SNX29: variants seen among roughly 807,000 people sequenced by gnomAD.
SNX29 encodes the protein sorting nexin-29.
In SNX29, 78 loss-of-function variants were observed where a neutral mutation model predicts 102.1. The ratio of observed to expected loss-of-function variants is 0.76; its 90% CI spans 0.64 to 0.92. The LOEUF is 0.92. Ranked by LOEUF, SNX29 falls within the 40% of genes least tolerant of loss-of-function variation. The pLI, the probability that SNX29 is intolerant of heterozygous loss-of-function variation, is 0.00. For synonymous variants in SNX29, 580 were observed against 414.5 expected (o/e 1.40, Z -4.85); for missense variants, 1,280 against 1,061.7 (o/e 1.21, Z -2.86).
intron 18 of SNX29, among the ~76,000 whole-genome samples, chr16:12,476,418 A>G (rs2087634292): frequency 6.8e-5 from 2 of 29,300 alleles, no homozygotes; most frequent in African/African-American, 2.4e-4. Context: ...ATATACATAT[A>G]TATATATATA....
rs764800448 is a variant in SNX29, at chr16:12,524,883, G to C, written c.2318+42G>C. ...CGGACATGGGCCGCCAGCCCTGCCA[G>C]CATTTTTTTCTCGGTCGTTTTGGAA... On this transcript the variant is annotated intron_variant, in intron 20 of 20. Transcript: ENST00000566228. The C allele has an allele frequency of 2.1e-5, 33 of 1,596,628 alleles. No individual in the cohort carries two copies. The South Asian group carries it at 3.0e-4, about 14-fold the overall frequency.
intron 15 of SNX29, among the ~76,000 whole-genome samples, chr16:12,343,339 C>G (rs967974173): frequency 6.6e-6 from 1 of 152,222 alleles, no homozygotes; most frequent in Non-Finnish European, 1.5e-5. Flanking sequence ...CTTCACGGTA[C>G]TAAATAACTT....
At chr16:12,187,670 T>TC (rs199870025) in intron 13 of SNX29, among the ~76,000 whole-genome samples, 1 of 152,054 alleles carries the variant, frequency 6.6e-6, no homozygotes, top group Non-Finnish European at 1.5e-5. Context: ...TTGCCTGTTC[T>TC]CCCCCCAACC....
chr16:12,250,406 C>T (rs1055115595), intron 14 of SNX29, among the ~76,000 whole-genome samples: 2 of 152,150 alleles, frequency 1.3e-5, no homozygotes, highest in Admixed American at 1.3e-4. Context: ...GAGGGCCATT[C>T]GGCCTCATGT....
Position 12,051,914 on chromosome 16 carries a change from G to A in SNX29, c.816G>A (p.Glu272=). ...KVTNIISFDD[E]EDEQNSGDVF... ...CCAACATAATCTCATTTGATGATGA[G>A]GAAGATGAGCAGAACTCTGGGGACG... Residue 272 remains glutamate, a synonymous_variant, in exon 8 of 21, where the codon GAG becomes GAA. Coordinates refer to ENST00000566228, the MANE Select transcript of SNX29 (RefSeq NM_032167.5). The A allele has an allele frequency of 6.2e-7, 1 of 1,613,700 alleles. No homozygotes were observed. Among genetic ancestry groups the A allele is most frequent in the Non-Finnish European group, 8.5e-7 (1 of 1,179,834 alleles).
At chr16:12,022,398 GC>G (rs1189014708) in intron 3 of SNX29, among the ~76,000 whole-genome samples, 1 of 151,872 alleles carries the variant, frequency 6.6e-6, no homozygotes, top group African/African-American at 2.4e-5. Context: ...ATGGAGTTTT[GC>G]CATGTTGGCC....
intron 13 of SNX29, among the ~76,000 whole-genome samples, chr16:12,184,695 C>G (rs1046330140): frequency 2.0e-5 from 3 of 152,176 alleles, no homozygotes; most frequent in Admixed American, 6.5e-5. Flanking sequence ...AACTGGGAGC[C>G]TGGAGGCCAG....
intron 14 of SNX29, among the ~76,000 whole-genome samples, chr16:12,219,131 C>T (rs2142096147): frequency 6.6e-6 from 1 of 152,284 alleles, no homozygotes; most frequent in East Asian, 1.9e-4. Context: ...TCCTTATATC[C>T]TGGGGCCTTT....
intron 11 of SNX29, among the ~76,000 whole-genome samples, chr16:12,112,236 G>A (rs140166317): frequency 5.9e-5 from 9 of 152,266 alleles, no homozygotes; most frequent in East Asian, 1.9e-4. Context: ...GCCCAGTCAC[G>A]AGCCACAGGT....
chr16:12,245,705 C>G (rs1202817003), intron 14 of SNX29, among the ~76,000 whole-genome samples: 1 of 152,066 alleles, frequency 6.6e-6, no homozygotes, highest in African/African-American at 2.4e-5. Context: ...AATTCTGAAA[C>G]AAGGATTTTT....
At chr16:12,164,027 T>C (rs890100066) in intron 13 of SNX29, among the ~76,000 whole-genome samples, 3 of 151,272 alleles carry the variant, frequency 2.0e-5, no homozygotes, top group African/African-American at 4.9e-5. Flanking sequence ...ACCTATGGAG[T>C]GGGAATATCT....
chr16:12,397,921 C>T (rs2151491122), intron 16 of SNX29, among the ~76,000 whole-genome samples: 1 of 152,240 alleles, frequency 6.6e-6, no homozygotes, highest in Non-Finnish European at 1.5e-5. Flanking sequence ...AGTTTCTCTC[C>T]CCTAGTCATC....
At chr16:12,541,459 T>G (rs1168672425) in intron 20 of SNX29, among the ~76,000 whole-genome samples, 2 of 152,156 alleles carry the variant, frequency 1.3e-5, no homozygotes, top group Non-Finnish European at 2.9e-5. Context: ...CCACGCTTAG[T>G]GCTTGATGGA....
intron 13 of SNX29, among the ~76,000 whole-genome samples, chr16:12,138,099 C>T (rs2054728419): frequency 6.6e-6 from 1 of 152,040 alleles, no homozygotes; most frequent in Admixed American, 6.6e-5. Context: ...AAGAATTTGC[C>T]ATCCATATGC....
intron 14 of SNX29, among the ~76,000 whole-genome samples, chr16:12,212,831 G>C (rs901611515): frequency 2.0e-5 from 3 of 152,298 alleles, no homozygotes; most frequent in East Asian, 3.9e-4. Flanking sequence ...CAGTCATAAA[G>C]GGCTGGGCGC....
At chr16:12,221,141 A>T (rs1361957601) in intron 14 of SNX29, among the ~76,000 whole-genome samples, 1 of 150,024 alleles carries the variant, frequency 6.7e-6, no homozygotes, top group Non-Finnish European at 1.5e-5. Context: ...TCCACTCGGC[A>T]TTTTCTGCGA....
intron 4 of SNX29, among the ~76,000 whole-genome samples, chr16:12,041,067 A>G (rs2049860980): frequency 6.6e-6 from 1 of 152,106 alleles, no homozygotes; most frequent in African/African-American, 2.4e-5. Context: ...TTGGCCTCCC[A>G]AAGTGCTTGG....
chr16:12,348,194 TC>T (rs112369746), intron 15 of SNX29, among the ~76,000 whole-genome samples: 2,430 of 152,248 alleles, frequency 0.016, 55 homozygotes, highest in African/African-American at 0.056. Context: ...GCCTCATTTT[TC>T]TCCTTGACAT....
rs971887309 is a variant in SNX29, at chr16:12,435,786, A to G, written c.2037+32257A>G. The stretch of plus-strand genomic sequence containing the variant: ...TCCTTGCAGCAGAGCCAGCCACTCC[A>G]TGGTGAGGATGCACTTTGTTGGTTC... On this transcript the variant is annotated intron_variant, in intron 18 of 20. Coordinates refer to ENST00000566228, the MANE Select transcript of SNX29 (RefSeq NM_032167.5). 4.6e-5 allele frequency among the ~76,000 whole-genome samples: 7 copies of G among 152,170 alleles called. 1 individual carries two copies. Among genetic ancestry groups the G allele is most frequent in the Admixed American group, 2.0e-4 (3 of 15,276 alleles).
Sources: gnomAD v4.1 joint callset for allele counts (sites outside exome capture counted in the v4.1 genomes callset) on GRCh38, gnomAD v4.1.1 for gene constraint, MANE v1.5 for transcripts, NCBI Gene and HGNC (gene_info 2026-07-23, HGNC 2026-07-21) for gene names.